PLCG2: variants seen among roughly 807,000 people sequenced by gnomAD.
PLCG2 encodes 1-phosphatidylinositol 4,5-bisphosphate phosphodiesterase gamma-2.
Under a neutral mutation model 175.6 loss-of-function variants are expected in PLCG2, and 69 were observed. That is an observed-to-expected ratio of 0.39 (90% CI 0.32 to 0.48). The LOEUF is 0.48. Ranked by LOEUF, PLCG2 falls within the 20% of genes least tolerant of loss-of-function variation. PLCG2 has a pLI of 0.91. For synonymous variants in PLCG2, 827 were observed against 624.0 expected, an observed-to-expected ratio of 1.33 and a Z score of -4.85; for missense variants, 1,798 against 1,650.9, an observed-to-expected ratio of 1.09 and a Z score of -1.54.
intron 2 of PLCG2, among the ~76,000 whole-genome samples, chr16:81,836,704 C>T (rs1405439493): frequency 1.3e-5 from 2 of 152,194 alleles, no homozygotes; most frequent in African/African-American, 2.4e-5. Flanking sequence ...TGTGCCACTG[C>T]ACTCCAACCT....
chr16:81,757,836 C>A (rs1909960726), intron 2 of PLCG2, among the ~76,000 whole-genome samples: 1 of 152,110 alleles, frequency 6.6e-6, no homozygotes, highest in African/African-American at 2.4e-5. Flanking sequence ...TCCCCCACCC[C>A]TTCAATTACT....
Position 81,895,849 on chromosome 16 carries a change from A to G in PLCG2, c.1115A>G (p.His372Arg). The G allele has an allele frequency of 1.2e-6, 2 of 1,614,106 alleles. No individual in the cohort carries two copies. The highest frequency in any genetic ancestry group is 1.7e-6 in the Non-Finnish European group (2 of 1,179,998). ...DGPDGKPVIY[H>R]GWTRTTKIKF... ...CCCGATGGGAAGCCGGTCATCTACC[A>G]TGGCTGGACGCGGACTACCAAGATC... The change falls in exon 13 of 33, where the codon CAT becomes CGT. Residue 372 changes from histidine (H) to arginine (R), a missense_variant. Transcript: ENST00000564138.
chr16:81,813,528 G>C lies in PLCG2; in HGVS notation c.193+27346G>C, dbSNP rs1451548585. 2.0e-5 allele frequency among the ~76,000 whole-genome samples: 3 copies of C among 152,186 alleles called. 1 individual carries two copies. The highest frequency in any genetic ancestry group is 6.3e-3 in the Middle Eastern group (2 of 316). ...TTTGCACATTGATTTTGTATCCTGA[G>C]ACTCTGCTGAAATTGCTTATCAGCT... On this transcript the variant is annotated intron_variant, in intron 2 of 32. Coordinates refer to ENST00000564138, the MANE Select transcript of PLCG2 (RefSeq NM_002661.5).
At chr16:81,766,105 G>A (rs992478909) in intron 2 of PLCG2, among the ~76,000 whole-genome samples, 4 of 152,168 alleles carry the variant, frequency 2.6e-5, no homozygotes, top group African/African-American at 9.7e-5. Context: ...TCTGTGTCCT[G>A]TCTCCTGGAG....
In PLCG2 at chr16:81,870,924, CA is replaced by C; in HGVS notation, c.638del (p.Gln213ArgfsTer50). The C allele has an allele frequency of 6.4e-7, 1 of 1,570,324 alleles. No individual in the cohort carries two copies. Among genetic ancestry groups the C allele is most frequent in the Non-Finnish European group, 8.7e-7 (1 of 1,146,284 alleles). On this transcript the variant is annotated frameshift_variant, in exon 7 of 33. Coordinates refer to ENST00000564138, the MANE Select transcript of PLCG2 (RefSeq NM_002661.5). LOFTEE classifies it high-confidence loss of function. ...CTTCTATAAAAAACTTATGTTTGAA[CA>C]GCAAAAATCGGTAAGATGATTCTTG... ...HLFYKKLMFE[Q>X]QKSILDEFKK...
chr16:81,856,396 A>G (rs961704496), intron 3 of PLCG2, among the ~76,000 whole-genome samples: 2 of 152,142 alleles, frequency 1.3e-5, no homozygotes, highest in African/African-American at 2.4e-5. Flanking sequence ...GACTTGAGCT[A>G]TGATCTTCCT....
intron 2 of PLCG2, among the ~76,000 whole-genome samples, chr16:81,839,274 A>G (rs1905694254): frequency 6.6e-6 from 1 of 152,200 alleles, no homozygotes; most frequent in Non-Finnish European, 1.5e-5. Context: ...TATAAGGTTG[A>G]TAAACAAATG....
At chr16:81,845,945 T>C in intron 2 of PLCG2, among the ~76,000 whole-genome samples, 1 of 152,218 alleles carries the variant, frequency 6.6e-6, no homozygotes, top group African/African-American at 2.4e-5. Context: ...GCCAAGGTAC[T>C]TCACTTCTCC....
chr16:81,773,372 T>G (rs12920716), intron 2 of PLCG2, among the ~76,000 whole-genome samples: 46,612 of 152,106 alleles, frequency 0.31, 7,670 homozygotes, highest in South Asian at 0.48. Flanking sequence ...TACGTCCTAG[T>G]GGAGACTCCA....
intron 2 of PLCG2, among the ~76,000 whole-genome samples, chr16:81,789,917 G>A (rs1047170971): frequency 6.7e-6 from 1 of 149,164 alleles, no homozygotes. Context: ...TAGAGATACA[G>A]CAGTTATTAA....
rs186219684 is a variant in PLCG2 at position 81,908,716 on chromosome 16, G to C, written c.1733+125G>C. 3.5e-4 allele frequency: 282 copies of C among 795,244 alleles called. 1 individual carries two copies. The East Asian group carries it at 7.7e-3, about 22-fold the overall frequency. The allele number at this position is 795,244 out of a possible 1,614,324, so 49.3% of individuals were successfully genotyped here. A position where few individuals can be genotyped will look rare whatever the true frequency, so the allele number is the denominator to read the frequency against. On this transcript the variant is annotated intron_variant, in intron 17 of 32. Coordinates refer to ENST00000564138, the MANE Select transcript of PLCG2 (RefSeq NM_002661.5). Reference sequence around the variant, plus strand: ...GGGACCTGAATCCCAGGCTTCATTTGTCTAGCTCTTCTAGGCCGGGACAAG... The same window carrying C: ...GGGACCTGAATCCCAGGCTTCATTTCTCTAGCTCTTCTAGGCCGGGACAAG...
At chr16:81,796,065 G>C (rs1303225811) in intron 2 of PLCG2, among the ~76,000 whole-genome samples, 3 of 152,244 alleles carry the variant, frequency 2.0e-5, no homozygotes, top group Non-Finnish European at 4.4e-5. Flanking sequence ...TTGATGGTAA[G>C]GGTTTGGGAG....
chr16:81,810,571 G>C (rs1904309227), intron 2 of PLCG2, among the ~76,000 whole-genome samples: 1 of 151,316 alleles, frequency 6.6e-6, no homozygotes, highest in Non-Finnish European at 1.5e-5. Flanking sequence ...CTGCCTTCCT[G>C]TTTTAGCTTT....
rs1555514200 is a variant in PLCG2, at chr16:81,869,296, G to T, written c.562G>T (p.Val188Leu). ...TGCCAAGTTCCTTAAAGATAAGTTT[G>T]TGGTAAGTTTCATGGCTCAGCCTGG... ...SSAKFLKDKF[V>L]EIGAHKDELS... The change falls in exon 6 of 33, where the codon GTG becomes TTG. Residue 188 changes from valine (V) to leucine (L), a missense_variant and splice_region_variant. Coordinates refer to ENST00000564138, the MANE Select transcript of PLCG2 (RefSeq NM_002661.5). 1 of 1,609,330 alleles carries T rather than the reference G, an allele frequency of 6.2e-7. No individual in the cohort carries two copies. Among genetic ancestry groups the T allele is most frequent in the Non-Finnish European group, 8.5e-7 (1 of 1,175,616 alleles).
At chr16:81,794,430 A>T (rs1375002816) in intron 2 of PLCG2, among the ~76,000 whole-genome samples, 1 of 152,186 alleles carries the variant, frequency 6.6e-6, no homozygotes, top group Admixed American at 6.5e-5. Flanking sequence ...AGCCCCTGCA[A>T]TGAAGCGTCT....
chr16:81,926,913 C>T (rs1387549419), intron 22 of PLCG2, among the ~76,000 whole-genome samples, 169 bp from the exon 23 acceptor site: 2 of 152,180 alleles, frequency 1.3e-5, no homozygotes, highest in Admixed American at 6.5e-5. Flanking sequence ...AATAAAAAGA[C>T]AGCAGTTGCC....
chr16:81,889,640 T>A (rs1221212241), intron 10 of PLCG2, among the ~76,000 whole-genome samples: 1 of 151,992 alleles, frequency 6.6e-6, no homozygotes, highest in Non-Finnish European at 1.5e-5. Context: ...CGTTTTTTTA[T>A]GTTTTTGTTT....
intron 2 of PLCG2, among the ~76,000 whole-genome samples, chr16:81,840,883 G>A (rs1905787656): frequency 6.6e-6 from 1 of 152,202 alleles, no homozygotes; most frequent in Admixed American, 6.5e-5. Context: ...TGAAGAGGCT[G>A]AGTATCCTCA....
chr16:81,840,409 T>A (rs1905760767), intron 2 of PLCG2, among the ~76,000 whole-genome samples: 6 of 152,180 alleles, frequency 3.9e-5, no homozygotes, highest in Admixed American at 3.9e-4. Flanking sequence ...GGGCATTACA[T>A]TGATTGTGTA....
Sources: allele counts gnomAD v4.1 joint callset (sites outside exome capture counted in the v4.1 genomes callset), GRCh38; gene constraint gnomAD v4.1.1; transcripts MANE v1.5; gene names NCBI Gene and HGNC (gene_info 2026-07-23, HGNC 2026-07-21).